Variants in PPFIBP2 observed in about 807,000 individuals in gnomAD.
PPFIBP2 encodes liprin-beta-2.
In PPFIBP2, 118 loss-of-function variants were observed where a neutral mutation model predicts 118.3. The observed-to-expected ratio is 1.00, with a 90% CI of 0.86 to 1.16. The LOEUF is 1.16. Among genes scored for constraint, PPFIBP2 ranks in the 50% most tolerant of loss-of-function variants. PPFIBP2 has a pLI of 0.00. For missense variants in PPFIBP2, 1,195 were observed against 1,073.1 expected (o/e 1.11, Z -1.59); for synonymous variants, 414 against 397.4 (o/e 1.04, Z -0.50).
chr11:7,617,500 G>C (rs1730055087), intron 6 of PPFIBP2, among the ~76,000 whole-genome samples: 1 of 152,106 alleles, frequency 6.6e-6, no homozygotes, highest in African/African-American at 2.4e-5. Context: ...GAGCAGGTGA[G>C]GCCAACCCTC....
At chr11:7,656,377 C>G (rs1349883428), downstream of PPFIBP2, among the ~76,000 whole-genome samples, 3 of 152,184 alleles carry the variant, frequency 2.0e-5, no homozygotes, top group Middle Eastern at 3.2e-3. Flanking sequence ...TCCTTGTTTT[C>G]AAGGACAAAA....
rs201300272 is a variant in PPFIBP2 at position 7,650,983 on chromosome 11, C to A, written c.2247+18C>A. ...GCCTCATTGTGAGTGGCTCTCTGGC[C>A]TAGCCCACCTGCCTTGGTGCAAATG... On this transcript the variant is annotated intron_variant, in intron 22 of 23. Transcript: ENST00000299492. 2 of 1,609,448 alleles carry A rather than the reference C, an allele frequency of 1.2e-6. No individual in the cohort carries two copies. Among genetic ancestry groups the A allele is most frequent in the African/African-American group, 1.3e-5 (1 of 74,880 alleles).
chr11:7,562,927 TTTTATA>T (rs1487874365), intron 2 of PPFIBP2, among the ~76,000 whole-genome samples: 14 of 81,926 alleles, frequency 1.7e-4, no homozygotes, highest in Non-Finnish European at 2.2e-4. Context: ...GAAATTAAAG[TTTTATA>T]TATATATATA....
rs1283168046 is a variant in PPFIBP2 at position 7,628,299 on chromosome 11, C to T, written c.841C>T (p.Arg281Cys). 1.4e-5 allele frequency: 22 copies of T among 1,613,450 alleles called. No homozygotes were observed. Among genetic ancestry groups the T allele is most frequent in the East Asian group, 6.7e-5 (3 of 44,874 alleles). The part of the protein sequence containing the change: ...SHTERDQEIQ[R>C]LKMGMETLLL... Reference sequence around the variant, plus strand: ...AATTCTTTTAGACCAAGAAATTCAACGTCTGAAAATGGGGATGGAAACTTT... The same window carrying T: ...AATTCTTTTAGACCAAGAAATTCAATGTCTGAAAATGGGGATGGAAACTTT... Residue 281 changes from arginine to cysteine, a missense_variant, in exon 9 of 24, where the codon CGT becomes TGT. Transcript: ENST00000299492.
chr11:7,653,007 C>A lies in PPFIBP2; in HGVS notation c.2437-17C>A, dbSNP rs117115375. ...CCTTGATTGCCTTCTCATAATCTTG[C>A]ATTTTCTGTGTTTTAGCCAAGGAAA... On this transcript the variant is annotated splice_polypyrimidine_tract_variant and intron_variant, in intron 23 of 23. Transcript: ENST00000299492. 6.3e-7 allele frequency: 1 copy of A among 1,597,414 alleles called. No homozygotes were observed. The highest frequency in any genetic ancestry group is 1.1e-5 in the South Asian group (1 of 89,096).
chr11:7,561,017 T>C (rs1461377935), intron 2 of PPFIBP2, among the ~76,000 whole-genome samples: 1 of 152,246 alleles, frequency 6.6e-6, no homozygotes, highest in Non-Finnish European at 1.5e-5. Context: ...AGATAAGGTC[T>C]CTTTTTGTAT....
intron 3 of PPFIBP2, chr11:7,577,461 GA>G (rs1192283402): frequency 2.4e-6 from 1 of 423,764 alleles, no homozygotes; most frequent in East Asian, 7.1e-5. Flanking sequence ...GGGAAGTGGG[GA>G]AATTTGAACA....
chr11:7,593,092 C>T, intron 3 of PPFIBP2, 40 bp from the exon 4 acceptor site: 6 of 1,599,624 alleles, frequency 3.8e-6, no homozygotes, highest in South Asian at 2.3e-5. Flanking sequence ...GATGTTTTTC[C>T]AACCTTTTAA....
intron 1 of PPFIBP2, among the ~76,000 whole-genome samples, chr11:7,540,380 A>G (rs1404157138): frequency 1.3e-5 from 2 of 152,102 alleles, no homozygotes; most frequent in South Asian, 2.1e-4. Context: ...ATTTTACCGG[A>G]TCTGGTGCCC....
chr11:7,591,798 C>G (rs1034398138), intron 3 of PPFIBP2, among the ~76,000 whole-genome samples: 13 of 152,174 alleles, frequency 8.5e-5, no homozygotes, highest in African/African-American at 2.9e-4. Context: ...TTCACTAGTG[C>G]GCATCCAGGG....
At chr11:7,605,700 C>A in intron 5 of PPFIBP2, 1 of 1,319,064 alleles carries the variant, frequency 7.6e-7, no homozygotes, top group Non-Finnish European at 9.6e-7. Flanking sequence ...AGTTGATAAA[C>A]CAGGAAAATA....
At chr11:7,558,765 A>G (rs7127797) in intron 2 of PPFIBP2, among the ~76,000 whole-genome samples, 77,898 of 151,306 alleles carry the variant, frequency 0.51, 21,722 homozygotes, top group African/African-American at 0.74. Flanking sequence ...AAAAAAAAAA[A>G]AGAAAGAAAA....
At chr11:7,545,900 G>T (rs938596108) in intron 1 of PPFIBP2, among the ~76,000 whole-genome samples, 2 of 152,138 alleles carry the variant, frequency 1.3e-5, no homozygotes, top group Non-Finnish European at 2.9e-5. Flanking sequence ...CTCCTACCTT[G>T]GGGAGGAGAG....
At chr11:7,650,652 GT>G (rs759791451) in intron 21 of PPFIBP2, 187 bp from the exon 22 acceptor site, 18 of 457,582 alleles carry the variant, frequency 3.9e-5, no homozygotes, top group Non-Finnish European at 6.2e-5. Flanking sequence ...CAAAGATTCA[GT>G]GGGAGCTCTA....
chr11:7,666,599 T>C, the PPFIBP2 span: 1 of 1,340,884 alleles, frequency 7.5e-7, no homozygotes, highest in South Asian at 1.2e-5. Context: ...CATCCTCTTG[T>C]TCCCTGGACT....
chr11:7,540,108 T>G (rs1190353920), intron 1 of PPFIBP2, among the ~76,000 whole-genome samples: 1 of 152,220 alleles, frequency 6.6e-6, no homozygotes, highest in African/African-American at 2.4e-5. Flanking sequence ...TGTGGGTCCT[T>G]AACTTCGTCT....
At chr11:7,593,920 C>T (rs768843911) in intron 4 of PPFIBP2, among the ~76,000 whole-genome samples, 2 of 152,176 alleles carry the variant, frequency 1.3e-5, no homozygotes, top group Non-Finnish European at 2.9e-5. Context: ...ATTGATTAAG[C>T]AAGCATTTAC....
chr11:7,577,334 T>C (rs12793834), intron 3 of PPFIBP2: 7,536 of 254,622 alleles, frequency 0.03, 9 homozygotes, highest in South Asian at 0.077. Context: ...TGTGTGTGTG[T>C]GTGTGTGTGT....
At chr11:7,620,830 C>A in intron 6 of PPFIBP2, 105 bp from the exon 7 acceptor site, 1 of 778,178 alleles carries the variant, frequency 1.3e-6, no homozygotes, top group Non-Finnish European at 2.3e-6. Flanking sequence ...TTATGTGGAG[C>A]TTGATGTGGT....
Sources: allele counts gnomAD v4.1 joint callset (sites outside exome capture counted in the v4.1 genomes callset), GRCh38; gene constraint gnomAD v4.1.1; transcripts MANE v1.5; gene names NCBI Gene and HGNC (gene_info 2026-07-23, HGNC 2026-07-21).